The following CDC14A variants were observed in gnomAD, a reference collection of about 807,000 sequenced individuals.
CDC14A encodes the protein cell division cycle 14A, also known as dual specificity protein phosphatase CDC14A.
A neutral mutation model predicts 74.4 loss-of-function variants in CDC14A; 53 were observed. The ratio of observed to expected loss-of-function variants is 0.71; its 90% CI spans 0.57 to 0.89. The LOEUF (loss-of-function observed/expected upper bound fraction) is 0.89, where lower values mean the gene tolerates loss of function less well. CDC14A is among the 40% of genes least tolerant of loss of function. The pLI, the probability that CDC14A is intolerant of heterozygous loss-of-function variation, is 0.00. For missense variants in CDC14A, 646 were observed against 713.7 expected (o/e 0.91, Z 1.08); for synonymous variants, 247 against 258.4 (o/e 0.96, Z 0.43).
chr1:100,377,285 C>T (rs1655405306), intron 2 of CDC14A, among the ~76,000 whole-genome samples: 1 of 152,126 alleles, frequency 6.6e-6, no homozygotes, highest in Non-Finnish European at 1.5e-5. Context: ...GGCAGTCTGC[C>T]TGCCCCAGCC....
intron 4 of CDC14A, among the ~76,000 whole-genome samples, chr1:100,391,250 T>C (rs960468309): frequency 3.9e-5 from 6 of 152,214 alleles, no homozygotes; most frequent in Admixed American, 3.9e-4. Context: ...AGGATTGTTA[T>C]TATTTTTATC....
At chr1:100,388,223 G>T (rs146207345) in intron 3 of CDC14A, among the ~76,000 whole-genome samples, 1,735 of 152,322 alleles carry the variant, frequency 0.011, 31 homozygotes, top group African/African-American at 0.04. Context: ...GCAATTCAGA[G>T]ATGATAGGAG....
intron 11 of CDC14A, chr1:100,485,380 AAAAG>A (rs1669925337): frequency 1.1e-6 from 1 of 878,478 alleles, no homozygotes; most frequent in South Asian, 5.2e-5. Flanking sequence ...AGAAAAAAAG[AAAAG>A]AAAAAAAGGA....
chr1:100,394,833 C>T (rs1658245837), intron 4 of CDC14A, among the ~76,000 whole-genome samples: 1 of 152,188 alleles, frequency 6.6e-6, no homozygotes, highest in East Asian at 1.9e-4. Flanking sequence ...TTATGCCTTT[C>T]TTCGTATTGT....
At chr1:100,391,595 C>T (rs558583653) in intron 4 of CDC14A, among the ~76,000 whole-genome samples, 30 of 152,270 alleles carry the variant, frequency 2.0e-4, no homozygotes, top group Non-Finnish European at 4.0e-4. Flanking sequence ...GGTATCATTT[C>T]CCCTCATCCT....
At chr1:100,443,063 C>G in intron 7 of CDC14A, 67 bp downstream of exon 7, 3 of 1,043,286 alleles carry the variant, frequency 2.9e-6, no homozygotes, top group Non-Finnish European at 4.5e-6. Context: ...CCCTGTCACA[C>G]TCATGTATTG....
At chr1:100,441,161 G>C (rs1398341120) in intron 6 of CDC14A, among the ~76,000 whole-genome samples, 1 of 152,164 alleles carries the variant, frequency 6.6e-6, no homozygotes, top group African/African-American at 2.4e-5. Context: ...GTTCACACTG[G>C]AATATCGCTG....
chr1:100,486,033 A>G (rs1025846103), intron 11 of CDC14A: 1 of 152,202 alleles, frequency 6.6e-6, no homozygotes, highest in Non-Finnish European at 1.5e-5. Context: ...AAGAGCAAAT[A>G]AAAAGAAAGG....
intron 15 of CDC14A, among the ~76,000 whole-genome samples, chr1:100,505,168 G>A (rs773726562): frequency 3.9e-5 from 6 of 152,206 alleles, no homozygotes; most frequent in Non-Finnish European, 8.8e-5. Flanking sequence ...AAAGTTGAAA[G>A]CAAAATGGAA....
intron 2 of CDC14A, among the ~76,000 whole-genome samples, chr1:100,372,117 T>C (rs2100930130): frequency 6.6e-6 from 1 of 152,356 alleles, no homozygotes; most frequent in Middle Eastern, 3.4e-3. Context: ...AAGAAAGCAA[T>C]GTATATACCT....
chr1:100,497,538 T>C (rs760830521), intron 13 of CDC14A, among the ~76,000 whole-genome samples: 11 of 152,218 alleles, frequency 7.2e-5, no homozygotes, highest in Non-Finnish European at 1.2e-4. Flanking sequence ...ATTTGAATTG[T>C]TTAGGAATAA....
chr1:100,421,247 G>GA (rs1238840664), intron 4 of CDC14A, among the ~76,000 whole-genome samples: 3 of 152,036 alleles, frequency 2.0e-5, no homozygotes, highest in Non-Finnish European at 4.4e-5. Flanking sequence ...GAGCACAAGA[G>GA]AAAAAATCAA....
intron 15 of CDC14A, among the ~76,000 whole-genome samples, chr1:100,517,160 C>G (rs565553058): frequency 1.3e-5 from 2 of 152,166 alleles, no homozygotes; most frequent in Admixed American, 6.5e-5. Context: ...TTTGGCTGTT[C>G]ATGGGGTGTA....
At chr1:100,392,650 C>T (rs551991631) in intron 4 of CDC14A, among the ~76,000 whole-genome samples, 2 of 152,128 alleles carry the variant, frequency 1.3e-5, no homozygotes, top group African/African-American at 2.4e-5. Context: ...GTGTTTAGAA[C>T]TATCTCTTTA....
chr1:100,457,106 T>C (rs1196692510), intron 8 of CDC14A, among the ~76,000 whole-genome samples: 1 of 152,146 alleles, frequency 6.6e-6, no homozygotes, highest in Non-Finnish European at 1.5e-5. Flanking sequence ...TCAGTAGTAG[T>C]TTTGTTGTTG....
chr1:100,443,343 A>T lies in CDC14A; in HGVS notation c.519+347A>T, dbSNP rs116219704. ...AAAACTGAATTTGTACCTTTTATTT[A>T]TTTATTTTTGAGGCGGTGTCTAGCT... On this transcript the variant is annotated intron_variant, in intron 7 of 15. Coordinates refer to ENST00000336454, the MANE Select transcript of CDC14A (RefSeq NM_003672.4). 7.8e-3 allele frequency among the ~76,000 whole-genome samples: 1,190 copies of T among 151,978 alleles called. 4 individuals are homozygous for T. The highest frequency in any genetic ancestry group is 0.013 in the Non-Finnish European group (885 of 67,952).
chr1:100,420,063 C>CACACATATATATATATAT lies in CDC14A; in HGVS notation c.310-4158_310-4157insCACATATATATATATATA. ...ACACACACACACACACACACACACA[C>CACACATATATATATATAT]ATATATATATATATATATAGTGTGT... On this transcript the variant is annotated intron_variant, in intron 4 of 15. Transcript: ENST00000336454. 3.1e-3 allele frequency among the ~76,000 whole-genome samples: 193 copies of CACACATATATATATATAT among 61,524 alleles called. 1 individual carries two copies. Among genetic ancestry groups the CACACATATATATATATAT allele is most frequent in the African/African-American group, 5.3e-3 (132 of 24,892 alleles). 40.4% of individuals were successfully genotyped at this position (61,524 alleles called of 152,430 possible). A position where few individuals can be genotyped will look rare whatever the true frequency, so the allele number is the denominator to read the frequency against.
At chr1:100,396,286 G>T (rs775417351) in intron 4 of CDC14A, among the ~76,000 whole-genome samples, 2 of 152,224 alleles carry the variant, frequency 1.3e-5, no homozygotes, top group African/African-American at 4.8e-5. Context: ...AGGATGGCCA[G>T]TGTGGAGTGG....
chr1:100,439,881 T>G, intron 5 of CDC14A, 51 bp from the exon 6 acceptor site: 2 of 1,318,704 alleles, frequency 1.5e-6, no homozygotes, highest in Non-Finnish European at 2.2e-6. Context: ...ATTTTATTAT[T>G]TGAATGTTCT....
Sources: allele counts gnomAD v4.1 joint callset (sites outside exome capture counted in the v4.1 genomes callset), GRCh38; gene constraint gnomAD v4.1.1; transcripts MANE v1.5; gene names NCBI Gene and HGNC (gene_info 2026-07-23, HGNC 2026-07-21).